KAZN: variants seen among roughly 807,000 people sequenced by gnomAD.
The protein encoded by KAZN is kazrin.
A neutral mutation model predicts 87.4 loss-of-function variants in KAZN; 40 were observed. The ratio of observed to expected loss-of-function variants is 0.46; its 90% CI spans 0.36 to 0.60. The LOEUF is 0.60. KAZN is among the 20% of genes least tolerant of loss of function. The pLI, the probability that KAZN is intolerant of heterozygous loss-of-function variation, is 0.00. For synonymous variants in KAZN, 466 were observed against 458.3 expected (o/e 1.02, Z -0.22); for missense variants, 898 against 1,073.9 (o/e 0.84, Z 2.29).
intron 2 of KAZN, among the ~76,000 whole-genome samples, chr1:14,559,727 C>T (rs1205479244): frequency 3.9e-5 from 6 of 152,140 alleles, no homozygotes; most frequent in Non-Finnish European, 8.8e-5. Context: ...ACTGTCTCCA[C>T]CCCACTCTCA....
chr1:14,007,504 G>T (rs948213663), intron 1 of KAZN, among the ~76,000 whole-genome samples: 2 of 152,156 alleles, frequency 1.3e-5, no homozygotes, highest in African/African-American at 4.8e-5. Flanking sequence ...GGCACATTTG[G>T]CAAAAGGTCA....
rs572978813 is a variant in KAZN, at chr1:15,098,518, C to T, written c.1548-3025C>T. Among the ~76,000 whole-genome samples the T allele has an allele frequency of 6.8e-4, 103 of 152,346 alleles. 1 individual carries two copies. The highest frequency in any genetic ancestry group is 3.4e-3 in the Middle Eastern group (1 of 294). On this transcript the variant is annotated intron_variant, in intron 10 of 14. Coordinates refer to ENST00000376030, the MANE Select transcript of KAZN (RefSeq NM_201628.3). ...GCTCTCCACCCCAACTCTTGTTGCA[C>T]CATTGATTTGCTGACCAAACTCTTG... is the stretch of plus-strand genomic sequence containing the variant.
chr1:13,951,693 G>T (rs1025061869), intron 1 of KAZN, among the ~76,000 whole-genome samples: 3 of 151,894 alleles, frequency 2.0e-5, no homozygotes, highest in Non-Finnish European at 4.4e-5. Flanking sequence ...GGGTTGATTT[G>T]GGATGATAGG....
At chr1:14,743,291 G>A (rs1194270279) in intron 1 of KAZN, among the ~76,000 whole-genome samples, 3 of 151,900 alleles carry the variant, frequency 2.0e-5, no homozygotes, top group African/African-American at 4.8e-5. Flanking sequence ...TTAGCCGGGC[G>A]TGGTGACACG....
intron 1 of KAZN, among the ~76,000 whole-genome samples, chr1:14,161,161 G>T (rs1645701331): frequency 6.6e-6 from 1 of 152,206 alleles, no homozygotes; most frequent in South Asian, 2.1e-4. Context: ...CAAAGTGGTG[G>T]ACTATAACAG....
intron 2 of KAZN, among the ~76,000 whole-genome samples, chr1:14,340,974 G>A (rs933657742): frequency 4.5e-5 from 6 of 133,684 alleles, no homozygotes; most frequent in Non-Finnish European, 9.1e-5. Flanking sequence ...TGCAACCTCT[G>A]CCTCCCGGGT....
intron 1 of KAZN, among the ~76,000 whole-genome samples, chr1:14,743,086 G>A (rs1644156779): frequency 6.6e-6 from 1 of 152,294 alleles, no homozygotes; most frequent in South Asian, 2.1e-4. Context: ...GTGCGTCGCA[G>A]GCATGAAGAG....
At chr1:15,013,212 G>A (rs58634818) in intron 2 of KAZN, among the ~76,000 whole-genome samples, 2,608 of 152,198 alleles carry the variant, frequency 0.017, 69 homozygotes, top group African/African-American at 0.059. Flanking sequence ...CAGTGCTTCC[G>A]CAAATATTTA....
intron 1 of KAZN, among the ~76,000 whole-genome samples, chr1:13,945,449 G>A (rs1327004363): frequency 6.9e-6 from 1 of 144,546 alleles, no homozygotes; most frequent in African/African-American, 2.6e-5. Flanking sequence ...ACTCCACCCT[G>A]GGCAACAGAG....
intron 1 of KAZN, among the ~76,000 whole-genome samples, chr1:14,137,336 A>G (rs1041569122): frequency 6.6e-5 from 10 of 152,186 alleles, no homozygotes; most frequent in Non-Finnish European, 1.2e-4. Context: ...TGCGTGGGTC[A>G]GGTGGCCCTA....
At chr1:14,987,868 C>G (rs1384581326) in intron 2 of KAZN, among the ~76,000 whole-genome samples, 1 of 152,226 alleles carries the variant, frequency 6.6e-6, no homozygotes, top group Non-Finnish European at 1.5e-5. Context: ...TTGGACTCTT[C>G]TAGCAGGACA....
chr1:14,771,718 CGT>C (rs141408043), intron 1 of KAZN, among the ~76,000 whole-genome samples: 3,676 of 152,170 alleles, frequency 0.024, 152 homozygotes, highest in African/African-American at 0.084. Context: ...CCTAGCTACT[CGT>C]GTGGCTGAGG....
At chr1:14,499,758 C>G (rs1439531819) in intron 2 of KAZN, among the ~76,000 whole-genome samples, 2 of 152,076 alleles carry the variant, frequency 1.3e-5, no homozygotes, top group Non-Finnish European at 2.9e-5. Context: ...TGGCAGTGAC[C>G]CTGGCTTGGC....
chr1:15,094,318 G>A lies in KAZN; in HGVS notation c.1361G>A (p.Trp454Ter), dbSNP rs765131169. The change falls in exon 9 of 15, where the codon TGG (tryptophan) becomes TAG (stop). Residue 454 changes from tryptophan to a stop codon, truncating the protein, a stop_gained. Coordinates refer to ENST00000376030, the MANE Select transcript of KAZN (RefSeq NM_201628.3). LOFTEE classifies it high-confidence loss of function. The surrounding 1 kb of genome is among the most constrained non-coding windows in gnomAD (Gnocchi z 4.5). Reference sequence around the variant, plus strand: ...TGGAAGGCGGGCACCGTCCAGGCCTGGCTGGAGGTGGTGATGGCCATGCCT... The same window carrying A: ...TGGAAGGCGGGCACCGTCCAGGCCTAGCTGGAGGTGGTGATGGCCATGCCT... ...SHWKAGTVQA[W>*]LEVVMAMPMY... is the part of the protein sequence containing the mutation. 3 of 1,613,962 alleles carry A rather than the reference G, an allele frequency of 1.9e-6. No individual in the cohort carries two copies. The highest frequency in any genetic ancestry group is 2.5e-6 in the Non-Finnish European group (3 of 1,179,870).
At chr1:14,657,754 T>TC (rs1454279087) in intron 1 of KAZN, among the ~76,000 whole-genome samples, 1 of 151,944 alleles carries the variant, frequency 6.6e-6, no homozygotes, top group Non-Finnish European at 1.5e-5. Flanking sequence ...ACCTTCCCCA[T>TC]CCCCCCAGAG....
intron 1 of KAZN, among the ~76,000 whole-genome samples, chr1:14,872,938 A>AGATGGATG (rs143254162): frequency 0.02 from 2,950 of 146,206 alleles, 87 homozygotes; most frequent in East Asian, 0.15. Flanking sequence ...ATGGATGGAT[A>AGATGGATG]GATGGATGGA....
At chr1:14,117,727 T>C (rs1644658917) in intron 1 of KAZN, among the ~76,000 whole-genome samples, 1 of 152,198 alleles carries the variant, frequency 6.6e-6, no homozygotes, top group Admixed American at 6.5e-5. Flanking sequence ...TTAGCCTCTC[T>C]GATCTTCTAT....
chr1:14,186,484 G>A (rs1322398523), intron 2 of KAZN, among the ~76,000 whole-genome samples: 1 of 152,124 alleles, frequency 6.6e-6, no homozygotes, highest in African/African-American at 2.4e-5. Flanking sequence ...AGATTTAGGT[G>A]TCAAAAGCTT....
At chr1:14,980,253 G>A (rs547316758) in intron 2 of KAZN, among the ~76,000 whole-genome samples, 142 of 152,302 alleles carry the variant, frequency 9.3e-4, no homozygotes, top group African/African-American at 3.3e-3. Flanking sequence ...TAGAGTGGCC[G>A]TATCATTTGT....
Sources: gnomAD v4.1 joint callset for allele counts (sites outside exome capture counted in the v4.1 genomes callset) on GRCh38, gnomAD v4.1.1 for gene constraint, Gnocchi (gnomAD v3.1) non-coding constraint, MANE v1.5 for transcripts, NCBI Gene and HGNC (gene_info 2026-07-23, HGNC 2026-07-21) for gene names.